GNG2: variants seen among roughly 807,000 people sequenced by gnomAD.
GNG2 encodes G protein subunit gamma 2.
GNG2 carries 5 observed loss-of-function variants against 5.5 expected under a neutral mutation model. The observed-to-expected ratio is 0.91, with a 90% CI of 0.48 to 1.92. GNG2 has a LOEUF of 1.92. GNG2 is among the 30% of genes most tolerant of loss of function. The pLI is 0.01. For missense variants in GNG2, 55 were observed against 88.4 expected (o/e 0.62, Z 1.52); for synonymous variants, 28 against 32.0 (o/e 0.88, Z 0.42).
intron 2 of GNG2, among the ~76,000 whole-genome samples, chr14:51,907,225 T>G (rs1463302106): frequency 6.6e-6 from 1 of 152,212 alleles, no homozygotes; most frequent in African/African-American, 2.4e-5. Context: ...CTTCCAGACA[T>G]GCTGGCCATG....
intron 2 of GNG2, among the ~76,000 whole-genome samples, chr14:51,921,956 T>C (rs897264354): frequency 6.6e-6 from 1 of 152,232 alleles, no homozygotes; most frequent in Non-Finnish European, 1.5e-5. Context: ...CCCAAATCTC[T>C]GAAACTATCA....
At chr14:51,937,417 T>C (rs1351464638) in intron 2 of GNG2, among the ~76,000 whole-genome samples, 2 of 152,152 alleles carry the variant, frequency 1.3e-5, no homozygotes, top group Admixed American at 1.3e-4. Flanking sequence ...TGATTATGTA[T>C]ATTAGTTAAT....
chr14:51,937,977 A>C (rs1485705191), intron 2 of GNG2, among the ~76,000 whole-genome samples: 2 of 152,132 alleles, frequency 1.3e-5, no homozygotes, highest in Non-Finnish European at 1.5e-5. Context: ...GAACAACGAA[A>C]AGTGTCTTCC....
intron 1 of GNG2, among the ~76,000 whole-genome samples, chr14:51,874,619 C>T (rs1883536458): frequency 6.6e-6 from 1 of 151,782 alleles, no homozygotes; most frequent in Non-Finnish European, 1.5e-5. Flanking sequence ...GTGGTCCCAG[C>T]TACTACTTGG....
At chr14:51,928,177 G>C (rs554747542) in intron 2 of GNG2, among the ~76,000 whole-genome samples, 6 of 151,890 alleles carry the variant, frequency 4.0e-5, no homozygotes, top group Admixed American at 2.6e-4. Flanking sequence ...TTACAGGCGT[G>C]CAACACCACG....
At chr14:51,893,506 A>G (rs1884993614) in intron 2 of GNG2, among the ~76,000 whole-genome samples, 1 of 152,122 alleles carries the variant, frequency 6.6e-6, no homozygotes, top group Non-Finnish European at 1.5e-5. Context: ...TCCGCTTTAT[A>G]TGCTGCAGTT....
At chr14:51,896,746 G>A (rs903302158) in intron 2 of GNG2, among the ~76,000 whole-genome samples, 6 of 151,986 alleles carry the variant, frequency 3.9e-5, no homozygotes, top group African/African-American at 7.3e-5. Context: ...AAGGAATAGC[G>A]AAAATAAGAA....
At chr14:51,885,658 A>G (rs939529871) in intron 2 of GNG2, among the ~76,000 whole-genome samples, 1 of 152,116 alleles carries the variant, frequency 6.6e-6, no homozygotes. Flanking sequence ...ATATTTCAAC[A>G]TTTTAGCCTT....
intron 2 of GNG2, among the ~76,000 whole-genome samples, chr14:51,893,361 T>A (rs142951135): frequency 6.6e-6 from 1 of 152,336 alleles, no homozygotes; most frequent in African/African-American, 2.4e-5. Flanking sequence ...TATTTTCATA[T>A]GTTTTCATTG....
intron 2 of GNG2, among the ~76,000 whole-genome samples, chr14:51,895,047 A>G (rs1594887103): frequency 6.6e-6 from 1 of 151,944 alleles, no homozygotes; most frequent in African/African-American, 2.4e-5. Context: ...AGAATAGGAA[A>G]AAAAAAACAA....
At chr14:51,952,601 A>G (rs1889050393) in intron 3 of GNG2, among the ~76,000 whole-genome samples, 1 of 152,188 alleles carries the variant, frequency 6.6e-6, no homozygotes, top group Admixed American at 6.5e-5. Flanking sequence ...ACTGTGGTTG[A>G]TGTTTTCTGT....
intron 2 of GNG2, among the ~76,000 whole-genome samples, chr14:51,888,603 C>CT (rs1884622991): frequency 6.6e-6 from 1 of 152,156 alleles, no homozygotes; most frequent in Non-Finnish European, 1.5e-5. Flanking sequence ...CATTTTCTTT[C>CT]TTCTTTCCTC....
At chr14:51,866,724 C>T (rs1882919682) in intron 1 of GNG2, among the ~76,000 whole-genome samples, 1 of 152,234 alleles carries the variant, frequency 6.6e-6, no homozygotes, top group South Asian at 2.1e-4. Context: ...TATAAGGGCA[C>T]TAATCCCATT....
chr14:51,868,218 C>T (rs1162401189), intron 1 of GNG2, among the ~76,000 whole-genome samples: 3 of 152,144 alleles, frequency 2.0e-5, no homozygotes, highest in Non-Finnish European at 2.9e-5. Context: ...CAAAACTGGT[C>T]GGTTGTTTTC....
intron 2 of GNG2, among the ~76,000 whole-genome samples, chr14:51,906,379 T>C (rs1885918579): frequency 6.6e-6 from 1 of 152,260 alleles, no homozygotes; most frequent in Non-Finnish European, 1.5e-5. Context: ...TCTGTAAATG[T>C]AAATTTATTC....
intron 2 of GNG2, among the ~76,000 whole-genome samples, chr14:51,879,481 C>T (rs1360316910): frequency 6.6e-6 from 1 of 152,206 alleles, no homozygotes; most frequent in Non-Finnish European, 1.5e-5. Context: ...CAAATTATTA[C>T]AAACCTAGTG....
chr14:51,910,519 G>A (rs1886228848), intron 2 of GNG2, among the ~76,000 whole-genome samples: 1 of 152,246 alleles, frequency 6.6e-6, no homozygotes, highest in Admixed American at 6.5e-5. Context: ...CCACTGGGCA[G>A]GAAGCGAGAG....
intron 2 of GNG2, among the ~76,000 whole-genome samples, chr14:51,930,128 G>T (rs1828169811): frequency 6.6e-6 from 1 of 152,208 alleles, no homozygotes; most frequent in Non-Finnish European, 1.5e-5. Context: ...GGCATGAGCT[G>T]GTCTTCCAAT....
chr14:51,933,376 A>T (rs986238510), intron 2 of GNG2, among the ~76,000 whole-genome samples: 2 of 152,174 alleles, frequency 1.3e-5, no homozygotes, highest in Admixed American at 6.5e-5. Flanking sequence ...AGAAAAATTG[A>T]AGAAGAGGAA....
Sources: allele counts gnomAD v4.1 joint callset (sites outside exome capture counted in the v4.1 genomes callset), GRCh38; gene constraint gnomAD v4.1.1; transcripts MANE v1.5; gene names NCBI Gene and HGNC (gene_info 2026-07-23, HGNC 2026-07-21).